EFNA5: variants seen among roughly 807,000 people sequenced by gnomAD.
EFNA5 encodes the protein ephrin A5.
A neutral mutation model predicts 22.9 loss-of-function variants in EFNA5; 5 were observed. That is an observed-to-expected ratio of 0.22 (90% CI 0.11 to 0.46). EFNA5 has a LOEUF of 0.46. EFNA5 is among the 20% of genes least tolerant of loss of function. The pLI is 0.99. For synonymous variants in EFNA5, 113 were observed against 112.2 expected, an observed-to-expected ratio of 1.01 and a Z score of -0.04; for missense variants, 237 against 293.3, an observed-to-expected ratio of 0.81 and a Z score of 1.40.
At chr5:107,386,465 C>A (rs772474439) in intron 4 of EFNA5, among the ~76,000 whole-genome samples, 1 of 152,126 alleles carries the variant, frequency 6.6e-6, no homozygotes, top group Admixed American at 6.6e-5. Context: ...CCATAGTATG[C>A]GACAGACTAA....
chr5:107,588,179 T>G (rs1749233844), intron 1 of EFNA5, among the ~76,000 whole-genome samples: 1 of 152,126 alleles, frequency 6.6e-6, no homozygotes, highest in Admixed American at 6.5e-5. Context: ...CAAATTCTAC[T>G]TGCTGCTTAT....
chr5:107,549,895 A>G (rs1748249032), intron 1 of EFNA5, among the ~76,000 whole-genome samples: 1 of 152,238 alleles, frequency 6.6e-6, no homozygotes, highest in Non-Finnish European at 1.5e-5. Flanking sequence ...CCATGCAGAA[A>G]TAGCACCTCT....
intron 1 of EFNA5, among the ~76,000 whole-genome samples, chr5:107,639,806 C>T (rs1293050651): frequency 6.6e-6 from 1 of 151,888 alleles, no homozygotes; most frequent in East Asian, 1.9e-4. Flanking sequence ...TTAAAAAAAA[C>T]CCAGTGCCAG....
At chr5:107,446,560 C>A (rs1190115136) in intron 1 of EFNA5, among the ~76,000 whole-genome samples, 1 of 151,950 alleles carries the variant, frequency 6.6e-6, no homozygotes, top group Non-Finnish European at 1.5e-5. Context: ...CCAGACCATC[C>A]TGGCTAACAC....
chr5:107,408,458 T>G (rs947886064), intron 2 of EFNA5, among the ~76,000 whole-genome samples: 4 of 152,252 alleles, frequency 2.6e-5, no homozygotes, highest in African/African-American at 9.6e-5. Flanking sequence ...ACTCCATTTT[T>G]GTAAATGGAA....
chr5:107,489,664 C>CCT lies in EFNA5; in HGVS notation c.126-62156_126-62155insAG, dbSNP rs535118219. 8.4e-4 allele frequency among the ~76,000 whole-genome samples: 124 copies of CCT among 147,700 alleles called. 2 individuals carry two copies. The highest frequency in any genetic ancestry group is 2.9e-3 in the African/African-American group (115 of 39,934). Reference sequence around the variant, plus strand: ...GTGATTGATTTGACCCCACCTACCCCCCCCACCAAGATCTAACACTAATGT... The same window carrying CCT: ...GTGATTGATTTGACCCCACCTACCCCCTCCCCACCAAGATCTAACACTAATGT... On this transcript the variant is annotated intron_variant, in intron 1 of 4. Transcript: ENST00000333274.
At chr5:107,639,955 A>T (rs1375610152) in intron 1 of EFNA5, among the ~76,000 whole-genome samples, 1 of 152,224 alleles carries the variant, frequency 6.6e-6, no homozygotes, top group Non-Finnish European at 1.5e-5. Context: ...AAATTGTTTA[A>T]GTTATTTATG....
chr5:107,590,473 C>A (rs1427407099), intron 1 of EFNA5, among the ~76,000 whole-genome samples: 1 of 152,072 alleles, frequency 6.6e-6, no homozygotes, highest in Non-Finnish European at 1.5e-5. Flanking sequence ...CACTCAGCCT[C>A]AACCTCCTGG....
At chr5:107,393,985 T>C (rs1747853418) in intron 2 of EFNA5, among the ~76,000 whole-genome samples, 1 of 152,202 alleles carries the variant, frequency 6.6e-6, no homozygotes, top group Non-Finnish European at 1.5e-5. Flanking sequence ...ACAGAAAACT[T>C]GTTAAAACAA....
intron 1 of EFNA5, among the ~76,000 whole-genome samples, chr5:107,649,987 T>C (rs1750697230): frequency 6.6e-6 from 1 of 152,120 alleles, no homozygotes; most frequent in East Asian, 1.9e-4. Flanking sequence ...TTCTTAAGCA[T>C]CATGGGCCAG....
intron 1 of EFNA5, among the ~76,000 whole-genome samples, chr5:107,501,280 T>C (rs147215082): frequency 2.2e-4 from 33 of 152,342 alleles, no homozygotes; most frequent in Non-Finnish European, 3.7e-4. Context: ...TTACTTAGGA[T>C]ATTTCTTACC....
At chr5:107,477,008 G>A (rs1750330961) in intron 1 of EFNA5, among the ~76,000 whole-genome samples, 1 of 152,168 alleles carries the variant, frequency 6.6e-6, no homozygotes, top group African/African-American at 2.4e-5. Flanking sequence ...TCTATTTGCT[G>A]AGCATTTGTA....
intron 1 of EFNA5, among the ~76,000 whole-genome samples, chr5:107,526,489 C>T (rs2112447902): frequency 6.6e-6 from 1 of 152,330 alleles, no homozygotes; most frequent in Middle Eastern, 3.4e-3. Context: ...TGGGTCTGAA[C>T]ATGGCCACCC....
chr5:107,562,605 T>A (rs1028843250), intron 1 of EFNA5, among the ~76,000 whole-genome samples: 2 of 152,114 alleles, frequency 1.3e-5, no homozygotes, highest in Non-Finnish European at 2.9e-5. Flanking sequence ...CATAAAGTAA[T>A]GAAGGATCCT....
At chr5:107,409,623 A>G (rs1031940517) in intron 2 of EFNA5, among the ~76,000 whole-genome samples, 1 of 152,226 alleles carries the variant, frequency 6.6e-6, no homozygotes, top group African/African-American at 2.4e-5. Context: ...TAATATTTTC[A>G]TCAAAGAATG....
chr5:107,400,467 A>T (rs1413458444), intron 2 of EFNA5, among the ~76,000 whole-genome samples: 1 of 152,110 alleles, frequency 6.6e-6, no homozygotes, highest in Non-Finnish European at 1.5e-5. Context: ...AGCTATCTCC[A>T]TGTTTCTCTG....
chr5:107,446,373 T>C (rs1336355185), intron 1 of EFNA5, among the ~76,000 whole-genome samples: 2 of 152,188 alleles, frequency 1.3e-5, no homozygotes, highest in Non-Finnish European at 2.9e-5. Context: ...TCCTGCAAAA[T>C]AAAAATTTCA....
intron 1 of EFNA5, among the ~76,000 whole-genome samples, chr5:107,457,338 A>C (rs1749720786): frequency 1.3e-5 from 2 of 152,038 alleles, no homozygotes; most frequent in Admixed American, 6.6e-5. Context: ...TAGATCCTTG[A>C]CTCAGCCTCT....
At chr5:107,603,057 G>A (rs1272797371) in intron 1 of EFNA5, among the ~76,000 whole-genome samples, 2 of 152,172 alleles carry the variant, frequency 1.3e-5, no homozygotes, top group African/African-American at 4.8e-5. Flanking sequence ...CTGGTTCTTT[G>A]AGAAAACTCA....
Sources: gnomAD v4.1 joint callset for allele counts (sites outside exome capture counted in the v4.1 genomes callset) on GRCh38, gnomAD v4.1.1 for gene constraint, MANE v1.5 for transcripts, NCBI Gene and HGNC (gene_info 2026-07-23, HGNC 2026-07-21) for gene names.